The following THRAP3 variants were observed in gnomAD, a reference collection of about 807,000 sequenced individuals.
The protein encoded by THRAP3 is thyroid hormone receptor associated protein 3.
In THRAP3, 16 loss-of-function variants were observed where a neutral mutation model predicts 101.0. That is an observed-to-expected ratio of 0.16 (90% CI 0.11 to 0.24). The LOEUF is 0.24. THRAP3 is among the 10% of genes least tolerant of loss of function. The pLI is 1.00. For synonymous variants in THRAP3, 407 were observed against 422.6 expected (o/e 0.96, Z 0.45); for missense variants, 989 against 1,202.7 (o/e 0.82, Z 2.63).
chr1:36,286,697 G>A lies in THRAP3; in HGVS notation c.467G>A (p.Arg156His), dbSNP rs1042061001. 8 of 1,614,026 alleles carry A rather than the reference G, an allele frequency of 5.0e-6. No homozygotes were observed. The highest frequency in any genetic ancestry group is 3.3e-5 in the South Asian group (3 of 91,084). Reference protein sequence around the residue: ...SDKSSSDRSRRSSSSRSSSNH... With the variant: ...SDKSSSDRSRHSSSSRSSSNH... ...AAGTCGTCTTCTGACCGGTCAAGGC[G>A]CTCCTCATCCTCCCGTTCTTCCTCC... The change falls in exon 4 of 12, where the codon CGC becomes CAC. Residue 156 changes from arginine (R) to histidine (H), a missense_variant. Transcript: ENST00000354618. This position sits in a 1 kb window ranked among gnomAD's most constrained non-coding sequence, Gnocchi z 5.5.
intron 6 of THRAP3, 96 bp from the exon 7 acceptor site, chr1:36,292,502 C>G (rs950735820): frequency 3.7e-6 from 3 of 817,418 alleles, no homozygotes; most frequent in African/African-American, 3.5e-5. Context: ...GATCTCTTGA[C>G]CTCGTGATCT....
At chr1:36,239,297 T>C (rs1645127758) in intron 1 of THRAP3, among the ~76,000 whole-genome samples, 2 of 139,882 alleles carry the variant, frequency 1.4e-5, no homozygotes, top group Admixed American at 1.5e-4. Flanking sequence ...TCTCGCTCTA[T>C]TACCCGGGCT....
chr1:36,243,136 T>C (rs1645182313), intron 1 of THRAP3, among the ~76,000 whole-genome samples: 1 of 150,696 alleles, frequency 6.6e-6, no homozygotes, highest in African/African-American at 2.4e-5. Context: ...TAAGATGCAT[T>C]TTGTGAGGAA....
chr1:36,266,160 G>A (rs61590763), intron 2 of THRAP3, among the ~76,000 whole-genome samples: 397 of 139,014 alleles, frequency 2.9e-3, no homozygotes, highest in Middle Eastern at 7.1e-3. Context: ...CTCAAAAAAA[G>A]AAAAAAAAAA....
At position 36,286,933 on chromosome 1, in the gene THRAP3, C is replaced by A. The variant is rs771336363; in HGVS notation, c.703C>A (p.Arg235=). ...DATYGTGSAS[R]ASAVSELSPR... Reference sequence around the variant, plus strand: ...CACCTACGGCACTGGTTCTGCATCACGGGCCTCAGCAGTTTCTGAGCTGAG... The same window carrying A: ...CACCTACGGCACTGGTTCTGCATCAAGGGCCTCAGCAGTTTCTGAGCTGAG... The change falls in exon 4 of 12, where the codon CGG becomes AGG. Residue 235 remains arginine (R), a synonymous_variant. Transcript: ENST00000354618. The surrounding 1 kb of genome is among the most constrained non-coding windows in gnomAD (Gnocchi z 5.5). 3.4e-5 allele frequency: 55 copies of A among 1,614,200 alleles called. No individual in the cohort carries two copies. In the South Asian group the frequency reaches 5.6e-4, roughly 16 times the overall value.
intron 2 of THRAP3, among the ~76,000 whole-genome samples, chr1:36,261,661 GT>G (rs1445825599): frequency 5.3e-5 from 8 of 152,218 alleles, no homozygotes; most frequent in Non-Finnish European, 8.8e-5. Flanking sequence ...CTGGTTGAGT[GT>G]GTGGATCTAC....
upstream of THRAP3, among the ~76,000 whole-genome samples, chr1:36,223,218 AGAAG>A (rs1644916891): frequency 6.6e-6 from 1 of 152,366 alleles, no homozygotes; most frequent in Non-Finnish European, 1.5e-5. Flanking sequence ...AAGTGCTCAA[AGAAG>A]GAAGAAAGAG....
At chr1:36,251,750 A>T (rs1164382571) in intron 1 of THRAP3, among the ~76,000 whole-genome samples, 1 of 152,150 alleles carries the variant, frequency 6.6e-6, no homozygotes, top group East Asian at 1.9e-4. Flanking sequence ...TTTATTGAGT[A>T]CTCCTTTGTG....
intron 3 of THRAP3, 117 bp downstream of exon 3, chr1:36,282,817 A>AG (rs1645751850): frequency 1.1e-5 from 13 of 1,145,422 alleles, no homozygotes; most frequent in Non-Finnish European, 1.5e-5. Context: ...GGTTGGCTTG[A>AG]GGTGCAGGGT....
At chr1:36,295,561 C>CTTCCT (rs1012162105) in intron 8 of THRAP3, among the ~76,000 whole-genome samples, 2 of 145,952 alleles carry the variant, frequency 1.4e-5, no homozygotes, top group Non-Finnish European at 2.9e-5. Context: ...TCCTTCCTTC[C>CTTCCT]TTCCTTCCTT....
chr1:36,229,108 T>A (rs1339178492), intron 1 of THRAP3, among the ~76,000 whole-genome samples: 1 of 152,192 alleles, frequency 6.6e-6, no homozygotes, highest in Non-Finnish European at 1.5e-5. Context: ...AATTTTTTTT[T>A]ATTTTTTGAG....
intron 1 of THRAP3, among the ~76,000 whole-genome samples, chr1:36,230,061 T>C (rs1484920791): frequency 6.6e-6 from 1 of 151,478 alleles, no homozygotes; most frequent in Non-Finnish European, 1.5e-5. Flanking sequence ...TTCAAGCGAT[T>C]GTCCTGCGTC....
chr1:36,272,195 G>A (rs1270275528), intron 2 of THRAP3, among the ~76,000 whole-genome samples: 1 of 152,104 alleles, frequency 6.6e-6, no homozygotes, highest in Non-Finnish European at 1.5e-5. Flanking sequence ...ATCTTTAAAT[G>A]TTTTAAACAG....
chr1:36,262,894 G>A (rs955805230), intron 2 of THRAP3, among the ~76,000 whole-genome samples: 2 of 149,590 alleles, frequency 1.3e-5, no homozygotes, highest in Admixed American at 6.7e-5. Context: ...CCGGGGTCAC[G>A]CCATTCTCCT....
intron 2 of THRAP3, among the ~76,000 whole-genome samples, chr1:36,281,227 C>A (rs537093126): frequency 2.0e-5 from 3 of 152,218 alleles, no homozygotes; most frequent in Admixed American, 2.0e-4. Flanking sequence ...TAATAAAGAG[C>A]TGGAACAAAT....
intron 1 of THRAP3, among the ~76,000 whole-genome samples, chr1:36,238,751 G>T (rs567352616): frequency 1.4e-4 from 21 of 152,148 alleles, no homozygotes; most frequent in Middle Eastern, 3.4e-3. Context: ...CATTGCCCAG[G>T]CTGGAGTGCA....
In THRAP3 at chr1:36,286,625, G is replaced by C; in HGVS notation, c.395G>C (p.Arg132Thr). The C allele has an allele frequency of 6.2e-7, 1 of 1,614,154 alleles. No individual in the cohort carries two copies. Among genetic ancestry groups the C allele is most frequent in the Non-Finnish European group, 8.5e-7 (1 of 1,180,042 alleles). ...CGTTCAAGATCCCGGTCCCCAAAGA[G>C]AAGGTCCCCTTCACCAAGGTCCAGG... The part of the protein sequence containing the change: ...RGRSRSRSPK[R>T]RSPSPRSRSH... The change falls in exon 4 of 12, where the codon AGA (arginine) becomes ACA (threonine). Residue 132 changes from arginine (R) to threonine (T), a missense_variant. Coordinates refer to ENST00000354618, the MANE Select transcript of THRAP3 (RefSeq NM_005119.4). The surrounding 1 kb of genome is among the most constrained non-coding windows in gnomAD (Gnocchi z 5.5).
intron 11 of THRAP3, 22 bp downstream of exon 11, chr1:36,301,718 G>C (rs1317202114): frequency 3.7e-6 from 6 of 1,605,272 alleles, no homozygotes; most frequent in Non-Finnish European, 4.3e-6. Flanking sequence ...GGGATAACCA[G>C]GAAGGGTTAG....
At chr1:36,285,572 G>T (rs1645784801) in intron 3 of THRAP3, among the ~76,000 whole-genome samples, 1 of 152,098 alleles carries the variant, frequency 6.6e-6, no homozygotes, top group Admixed American at 6.6e-5. Context: ...TGCACACCGG[G>T]GTGGGGGTGT....
Sources: allele counts gnomAD v4.1 joint callset (sites outside exome capture counted in the v4.1 genomes callset), GRCh38; gene constraint gnomAD v4.1.1; non-coding constraint Gnocchi (gnomAD v3.1); transcripts MANE v1.5; gene names NCBI Gene and HGNC (gene_info 2026-07-23, HGNC 2026-07-21).